The following NDUFAF2 variants were observed in gnomAD, a reference collection of about 807,000 sequenced individuals.
The protein encoded by NDUFAF2 is NADH:ubiquinone oxidoreductase complex assembly factor 2.
A neutral mutation model predicts 22.8 loss-of-function variants in NDUFAF2; 13 were observed. That is an observed-to-expected ratio of 0.57 (90% CI 0.37 to 0.91). The LOEUF (loss-of-function observed/expected upper bound fraction) is 0.91. Among genes scored for constraint, NDUFAF2 ranks in the 40% least tolerant of loss-of-function variants. The probability of loss-of-function intolerance (pLI) is 0.01; values close to 1 mark genes in which losing one functional copy is unlikely to be tolerated. For synonymous variants in NDUFAF2, 53 were observed against 64.2 expected (o/e 0.83, Z 0.84); for missense variants, 162 against 195.2 (o/e 0.83, Z 1.01).
At chr5:61,074,664 G>A (rs1396986086) in intron 2 of NDUFAF2, among the ~76,000 whole-genome samples, 2 of 152,172 alleles carry the variant, frequency 1.3e-5, no homozygotes, top group Non-Finnish European at 2.9e-5. Flanking sequence ...GGAGGCTGAG[G>A]CAGGAGAATC....
At chr5:61,060,463 T>C (rs1314010865) in intron 1 of NDUFAF2, among the ~76,000 whole-genome samples, 1 of 152,146 alleles carries the variant, frequency 6.6e-6, no homozygotes, top group African/African-American at 2.4e-5. Flanking sequence ...CTCTTATACA[T>C]CACCACCAGT....
At chr5:60,983,394 CTTTAG>C in intron 1 of NDUFAF2, among the ~76,000 whole-genome samples, 2 of 69,726 alleles carry the variant, frequency 2.9e-5, no homozygotes, top group Non-Finnish European at 6.2e-5. Flanking sequence ...TGCAGAAGCT[CTTTAG>C]TTTAATTAGA....
chr5:61,128,594 A>G (rs1350557297), intron 3 of NDUFAF2, among the ~76,000 whole-genome samples: 1 of 152,226 alleles, frequency 6.6e-6, no homozygotes, highest in African/African-American at 2.4e-5. Context: ...CTGGCTAGCC[A>G]TATGTAGAGA....
At chr5:61,098,163 A>G (rs903064469) in intron 2 of NDUFAF2, among the ~76,000 whole-genome samples, 2 of 152,216 alleles carry the variant, frequency 1.3e-5, no homozygotes, top group Non-Finnish European at 2.9e-5. Context: ...ATTATCTTAT[A>G]TAATTTTCAC....
At chr5:60,955,599 G>GA (rs944401506) in intron 1 of NDUFAF2, among the ~76,000 whole-genome samples, 12 of 150,676 alleles carry the variant, frequency 8.0e-5, no homozygotes, top group South Asian at 2.1e-4. Flanking sequence ...TCTATTTCTG[G>GA]AAAAAAAAAG....
chr5:61,102,472 T>C (rs552038237), intron 3 of NDUFAF2, among the ~76,000 whole-genome samples: 1 of 152,100 alleles, frequency 6.6e-6, no homozygotes, highest in Non-Finnish European at 1.5e-5. Context: ...TTAATATCCA[T>C]ATGGGGAAAA....
At chr5:61,039,846 C>T (rs1371023460) in intron 1 of NDUFAF2, among the ~76,000 whole-genome samples, 5 of 152,018 alleles carry the variant, frequency 3.3e-5, no homozygotes, top group African/African-American at 1.2e-4. Flanking sequence ...AACAGTCATC[C>T]CTACTTTATT....
chr5:61,102,718 G>T (rs1017195795), intron 3 of NDUFAF2, among the ~76,000 whole-genome samples: 1 of 151,968 alleles, frequency 6.6e-6, no homozygotes, highest in African/African-American at 2.4e-5. Context: ...AAGACTAGGA[G>T]AAAATAATCA....
chr5:61,127,328 A>C (rs1227862928), intron 3 of NDUFAF2, among the ~76,000 whole-genome samples: 1 of 152,118 alleles, frequency 6.6e-6, no homozygotes, highest in Non-Finnish European at 1.5e-5. Flanking sequence ...ACAGAGACAA[A>C]ACAAAAAAAG....
At chr5:60,960,952 A>ATT (rs895033472) in intron 1 of NDUFAF2, among the ~76,000 whole-genome samples, 2 of 152,128 alleles carry the variant, frequency 1.3e-5, no homozygotes, top group Non-Finnish European at 2.9e-5. Flanking sequence ...TTAAGCATAC[A>ATT]TTACCTTCAA....
intron 1 of NDUFAF2, among the ~76,000 whole-genome samples, chr5:60,945,630 C>A (rs950404336): frequency 6.6e-6 from 1 of 152,230 alleles, no homozygotes; most frequent in Non-Finnish European, 1.5e-5. Context: ...CGCCTTCCCC[C>A]GGCGTGCCCC....
intron 1 of NDUFAF2, among the ~76,000 whole-genome samples, chr5:61,036,817 C>A (rs184379017): frequency 6.6e-6 from 1 of 152,254 alleles, no homozygotes; most frequent in Non-Finnish European, 1.5e-5. Flanking sequence ...AAAATAAATT[C>A]TCTAATGTTA....
At chr5:61,079,492 A>C (rs910220620) in intron 2 of NDUFAF2, among the ~76,000 whole-genome samples, 4 of 152,170 alleles carry the variant, frequency 2.6e-5, no homozygotes, top group African/African-American at 9.7e-5. Context: ...TCTATCTCTA[A>C]TGCTCTATGA....
intron 3 of NDUFAF2, among the ~76,000 whole-genome samples, chr5:61,110,661 A>G (rs1168276971): frequency 6.6e-6 from 1 of 151,734 alleles, no homozygotes; most frequent in Non-Finnish European, 1.5e-5. Flanking sequence ...GTGTTATTGT[A>G]ATGTCTCCTT....
chr5:61,044,549 C>T (rs1751922972), intron 1 of NDUFAF2, among the ~76,000 whole-genome samples: 2 of 152,056 alleles, frequency 1.3e-5, no homozygotes, highest in South Asian at 4.1e-4. Context: ...ATGTGTATAT[C>T]CAGTTTTTCC....
intron 3 of NDUFAF2, among the ~76,000 whole-genome samples, chr5:61,135,171 T>G (rs190291192): frequency 4.0e-5 from 6 of 151,210 alleles, no homozygotes; most frequent in African/African-American, 1.5e-4. Flanking sequence ...CCTACTTCGG[T>G]CCACTGGAAA....
chr5:60,945,265 T>G lies in NDUFAF2; in HGVS notation c.10T>G (p.Ser4Ala). The G allele has an allele frequency of 6.2e-7, 1 of 1,613,216 alleles. No individual in the cohort carries two copies. The highest frequency in any genetic ancestry group is 8.5e-7 in the Non-Finnish European group (1 of 1,179,900). Residue 4 changes from serine to alanine, a missense_variant, in exon 1 of 4, where the codon TCT becomes GCT. This residue lies in a region of NDUFAF2 where 94 missense variants were observed against 85.2 expected (regional missense o/e 1.10). Transcript: ENST00000296597. ...AAACTGGGTGGACGGCATGGGTTGG[T>G]CTCAGGATTTGTTCCGCGCCTTGTG... MGWSQDLFRALWRS... is the reference protein window; with the variant it reads MGWAQDLFRALWRS...
chr5:61,129,849 A>T (rs547329734), intron 3 of NDUFAF2, among the ~76,000 whole-genome samples: 1 of 152,190 alleles, frequency 6.6e-6, no homozygotes, highest in South Asian at 2.1e-4. Context: ...TGCTATTATC[A>T]TACACTATGC....
At position 61,056,199 on chromosome 5, in the gene NDUFAF2, G is replaced by A. The variant is rs1580115594; in HGVS notation, c.128-16926G>A. On this transcript the variant is annotated intron_variant, in intron 1 of 3. Coordinates refer to ENST00000296597, the MANE Select transcript of NDUFAF2 (RefSeq NM_174889.5). ...CTTTTGTAGGTAAATATCCAGGCAT[G>A]GGCTATCAGTACATCCTTGAGTAGA... Among the ~76,000 whole-genome samples the A allele has an allele frequency of 2.0e-5, 3 of 152,226 alleles. No homozygotes were observed. In the South Asian group the frequency reaches 6.2e-4, roughly 32 times the overall value.
Sources: gnomAD v4.1 joint callset for allele counts (sites outside exome capture counted in the v4.1 genomes callset) on GRCh38, gnomAD v4.1.1 for gene constraint, gnomAD v4.1.1 regional missense constraint, MANE v1.5 for transcripts, NCBI Gene and HGNC (gene_info 2026-07-23, HGNC 2026-07-21) for gene names.